Variants in ZNF616 observed in about 807,000 individuals in gnomAD.
ZNF616 encodes zinc finger protein 616.
A neutral mutation model predicts 7.6 loss-of-function variants in ZNF616; 5 were observed. That is an observed-to-expected ratio of 0.66 (90% CI 0.34 to 1.38). ZNF616 has a LOEUF of 1.38. Among genes scored for constraint, ZNF616 ranks in the 40% most tolerant of loss-of-function variants. The probability of loss-of-function intolerance (pLI) is 0.04; values close to 1 mark genes in which losing one functional copy is unlikely to be tolerated. For synonymous variants in ZNF616, 319 were observed against 317.2 expected, an observed-to-expected ratio of 1.01 and a Z score of -0.06; for missense variants, 913 against 948.3, an observed-to-expected ratio of 0.96 and a Z score of 0.49.
Position 52,113,548 on chromosome 19 carries a change from C to G in ZNF616, c.*1270G>C, listed in dbSNP as rs1036591444. On this transcript the variant is annotated 3_prime_UTR_variant, in exon 4 of 4. Coordinates refer to ENST00000600228, the MANE Select transcript of ZNF616 (RefSeq NM_178523.5). ...CATGGTGGTTTGCTGCATCTACCAA[C>G]CCATCACCTGGTATTAAGGCAAAAA... 6.6e-6 allele frequency: 1 copy of G among 152,202 alleles called. No homozygotes were observed. Among genetic ancestry groups the G allele is most frequent in the African/African-American group, 2.4e-5 (1 of 41,442 alleles). The allele number at this position is 152,202 out of a possible 1,614,324, so 9.4% of individuals were successfully genotyped here. A position where few individuals can be genotyped will look rare whatever the true frequency, so the allele number is the denominator to read the frequency against.
chr19:52,118,698 AG>A (rs1249546015), intron 3 of ZNF616, among the ~76,000 whole-genome samples: 3 of 152,250 alleles, frequency 2.0e-5, no homozygotes, highest in African/African-American at 7.2e-5. Flanking sequence ...ACTAGGGTAA[AG>A]CCAATATGCT....
intron 3 of ZNF616, among the ~76,000 whole-genome samples, chr19:52,120,335 G>A (rs1412807908): frequency 6.6e-6 from 1 of 152,030 alleles, no homozygotes; most frequent in East Asian, 1.9e-4. Context: ...CACACACAAT[G>A]GAAATAAAAG....
At position 52,113,391 on chromosome 19, in the gene ZNF616, A is replaced by G. The variant is rs1568556849; in HGVS notation, c.*1427T>C. 6.6e-6 allele frequency: 1 copy of G among 152,238 alleles called. No homozygotes were observed. The highest frequency in any genetic ancestry group is 1.5e-5 in the Non-Finnish European group (1 of 68,056). 9.4% of individuals were successfully genotyped at this position (152,238 alleles called of 1,614,324 possible). On this transcript the variant is annotated 3_prime_UTR_variant, in exon 4 of 4. Transcript: ENST00000600228. The stretch of plus-strand genomic sequence containing the variant: ...ACTGCTTCCAGGTCCTTTCATGTTC[A>G]GCATACTTACAGGATTTTTCTCCTT...
chr19:52,135,030 T>C (rs2088995719), intron 1 of ZNF616, among the ~76,000 whole-genome samples: 1 of 152,246 alleles, frequency 6.6e-6, no homozygotes, highest in East Asian at 1.9e-4. Flanking sequence ...TGATATCATA[T>C]TCTCTGATTC....
chr19:52,136,909 C>A (rs2089014044), intron 1 of ZNF616, among the ~76,000 whole-genome samples: 2 of 151,466 alleles, frequency 1.3e-5, no homozygotes, highest in South Asian at 4.2e-4. Context: ...CTTAAAAAAA[C>A]AAAAAACAAA....
chr19:52,121,894 A>G (rs1285526673), intron 3 of ZNF616, among the ~76,000 whole-genome samples: 1 of 152,152 alleles, frequency 6.6e-6, no homozygotes, highest in African/African-American at 2.4e-5. Flanking sequence ...GATAAAATAT[A>G]ATTTTTTAAA....
At chr19:52,129,561 A>G (rs1222738184) in intron 2 of ZNF616, among the ~76,000 whole-genome samples, 1 of 152,170 alleles carries the variant, frequency 6.6e-6, no homozygotes, top group Admixed American at 6.6e-5. Context: ...GGAACACCGC[A>G]GTCTCTGTGA....
rs1256049414 is a variant in ZNF616, at chr19:52,114,826, T to C, written c.2338A>G (p.Arg780Gly). The C allele has an allele frequency of 6.3e-7, 1 of 1,576,714 alleles. No homozygotes were observed. The highest frequency in any genetic ancestry group is 1.4e-5 in the African/African-American group (1 of 73,502). Reference sequence around the variant, plus strand: ...AGAAACTAGGACAACGTCTAAGGCCTTGTCACATTGAGTTTAGTTGTAAGG... The same window carrying C: ...AGAAACTAGGACAACGTCTAAGGCCCTGTCACATTGAGTTTAGTTGTAAGG... ...ESLTTKLNVT[R>G]P Residue 780 changes from arginine (R) to glycine (G), a missense_variant, in exon 4 of 4, where the codon AGG (arginine) becomes GGG (glycine). Coordinates refer to ENST00000600228, the MANE Select transcript of ZNF616 (RefSeq NM_178523.5).
Position 52,114,851 on chromosome 19 carries a change from G to C in ZNF616, c.2313C>G (p.Ser771Arg). 6.3e-7 allele frequency: 1 copy of C among 1,599,032 alleles called. No homozygotes were observed. The highest frequency in any genetic ancestry group is 2.2e-5 in the East Asian group (1 of 44,822). ...TKHRIRHTGE[S>R]LTTKLNVTRP ...TTGTCACATTGAGTTTAGTTGTAAG[G>C]CTCTCTCCAGTATGTCTTATTCGAT... The change falls in exon 4 of 4, where the codon AGC (serine) becomes AGG (arginine). Residue 771 changes from serine to arginine, a missense_variant. Physicochemically the swap from Ser to Arg is moderately radical, Grantham distance 110 (BLOSUM62 -1). Transcript: ENST00000600228.
intron 2 of ZNF616, among the ~76,000 whole-genome samples, chr19:52,127,752 A>G (rs1276050880): frequency 3.3e-5 from 5 of 152,210 alleles, no homozygotes; most frequent in Admixed American, 1.3e-4. Context: ...AGCCATGGTG[A>G]AAAATTATAA....
intron 1 of ZNF616, among the ~76,000 whole-genome samples, chr19:52,136,932 T>A (rs188429448): frequency 6.6e-6 from 1 of 151,788 alleles, no homozygotes; most frequent in East Asian, 1.9e-4. Context: ...ACTTAGGAAC[T>A]TCTGCCCCCT....
intron 1 of ZNF616, among the ~76,000 whole-genome samples, chr19:52,131,812 G>A (rs1600128076): frequency 6.6e-6 from 1 of 152,330 alleles, no homozygotes; most frequent in Admixed American, 6.5e-5. Flanking sequence ...GAAGTCTCAT[G>A]TGATGCTGGT....
At chr19:52,130,466 G>A (rs932622000) in intron 2 of ZNF616, 35 bp downstream of exon 2, 10 of 1,571,656 alleles carry the variant, frequency 6.4e-6, no homozygotes, top group Non-Finnish European at 8.8e-6. Flanking sequence ...GACCCACCAA[G>A]AATATCACTT....
chr19:52,115,448 A>G lies in ZNF616; in HGVS notation c.1716T>C (p.Ser572=). The G allele has an allele frequency of 2.5e-6, 4 of 1,614,084 alleles. No individual in the cohort carries two copies. The highest frequency in any genetic ancestry group is 3.4e-6 in the Non-Finnish European group (4 of 1,180,050). The change falls in exon 4 of 4, where the codon AGT becomes AGC. Residue 572 remains serine (S), a synonymous_variant. Transcript: ENST00000600228. ...SRLTVHRRIH[S]GEKPYKCNEC... is the part of the protein sequence containing the mutation. ...CATTGCATTTGTAAGGTTTCTCTCCACTATGAATTCTCCGATGCACTGTAA... is the reference window on the plus strand; with the variant it reads ...CATTGCATTTGTAAGGTTTCTCTCCGCTATGAATTCTCCGATGCACTGTAA...
At chr19:52,133,287 T>A (rs1022559645) in intron 1 of ZNF616, among the ~76,000 whole-genome samples, 1 of 152,134 alleles carries the variant, frequency 6.6e-6, no homozygotes, top group African/African-American at 2.4e-5. Flanking sequence ...AGCTTTAGGG[T>A]CTGTGTGTGT....
intron 2 of ZNF616, among the ~76,000 whole-genome samples, chr19:52,128,007 G>C (rs1360391951): frequency 6.6e-6 from 1 of 152,070 alleles, no homozygotes; most frequent in Non-Finnish European, 1.5e-5. Flanking sequence ...AGGGATGATG[G>C]AGAAAGTGAC....
chr19:52,128,165 T>G (rs2088925439), intron 2 of ZNF616, among the ~76,000 whole-genome samples: 1 of 150,142 alleles, frequency 6.7e-6, no homozygotes. Flanking sequence ...ACGACACATA[T>G]TGGGTGGATT....
rs115015839 is a variant in ZNF616, at chr19:52,114,909, T to C, written c.2255A>G (p.Lys752Arg). Residue 752 changes from lysine (K) to arginine (R), a missense_variant, in exon 4 of 4, where the codon AAA becomes AGA. Physicochemically the swap from Lys to Arg is conservative, Grantham distance 26. Coordinates refer to ENST00000600228, the MANE Select transcript of ZNF616 (RefSeq NM_178523.5). ...GAGGCCTGAGCGACAAATAAAAGATTTCCCACACTCATTACATTTATAAGG... is the reference window on the plus strand; with the variant it reads ...GAGGCCTGAGCGACAAATAAAAGATCTCCCACACTCATTACATTTATAAGG... ...KKPYKCNECGKSFICRSGLTK... is the reference protein window; with the variant it reads ...KKPYKCNECGRSFICRSGLTK... 4.4e-5 allele frequency: 71 copies of C among 1,613,990 alleles called. No individual in the cohort carries two copies. In the East Asian group the frequency reaches 9.6e-4, roughly 22 times the overall value.
chr19:52,116,829 G>A lies in ZNF616; in HGVS notation c.335C>T (p.Pro112Leu), dbSNP rs148075474. The A allele has an allele frequency of 6.2e-7, 1 of 1,613,622 alleles. No individual in the cohort carries two copies. The highest frequency in any genetic ancestry group is 8.5e-7 in the Non-Finnish European group (1 of 1,179,888). Residue 112 changes from proline to leucine, a missense_variant, in exon 4 of 4, where the codon CCA becomes CTA. By Grantham distance (98) the Pro-to-Leu change is moderately conservative (BLOSUM62 -3). Coordinates refer to ENST00000600228, the MANE Select transcript of ZNF616 (RefSeq NM_178523.5). Reference protein sequence around the residue: ...KDGETNDKEVPVPHENNLTGK... With the variant: ...KDGETNDKEVLVPHENNLTGK... ...AGTAAGATTGTTTTCATGGGGCACT[G>A]GCACTTCTTTATCATTTGTTTCACC... is the stretch of plus-strand genomic sequence containing the variant.
Sources: gnomAD v4.1 joint callset for allele counts (sites outside exome capture counted in the v4.1 genomes callset) on GRCh38, gnomAD v4.1.1 for gene constraint, MANE v1.5 for transcripts, NCBI Gene and HGNC (gene_info 2026-07-23, HGNC 2026-07-21) for gene names.